Variants in UMAD1 observed in about 807,000 individuals in gnomAD.
UMAD1 encodes the protein UBAP1-MVB12-associated (UMA) domain containing 1, also known as UBAP1-MVB12-associated (UMA)-domain containing protein 1.
In UMAD1, 8 loss-of-function variants were observed where a neutral mutation model predicts 6.1. The observed-to-expected ratio is 1.30, with a 90% CI of 0.76 to 2.35. UMAD1 has a LOEUF of 2.35. UMAD1 is among the 30% of genes most tolerant of loss of function. The probability of loss-of-function intolerance (pLI) is 0.00; values close to 1 mark genes in which losing one functional copy is unlikely to be tolerated. For missense variants in UMAD1, 130 were observed against 78.4 expected, an observed-to-expected ratio of 1.66 and a Z score of -2.49; for synonymous variants, 56 against 31.4, an observed-to-expected ratio of 1.78 and a Z score of -2.61.
chr7:7,760,390 A>T (rs2115230257), intron 2 of UMAD1, among the ~76,000 whole-genome samples: 1 of 146,926 alleles, frequency 6.8e-6, no homozygotes, highest in South Asian at 2.1e-4. Context: ...CCCTGTCTCT[A>T]CTAAAAATAC....
intron 1 of UMAD1, among the ~76,000 whole-genome samples, chr7:7,658,851 T>C (rs1379292010): frequency 1.3e-5 from 2 of 152,192 alleles, no homozygotes; most frequent in East Asian, 3.8e-4. Flanking sequence ...CCTTTTTTTC[T>C]ATTGTTTGGA....
intron 3 of UMAD1, among the ~76,000 whole-genome samples, chr7:7,823,808 A>G (rs2115298786): frequency 1.3e-5 from 2 of 152,284 alleles, no homozygotes; most frequent in East Asian, 1.9e-4. Context: ...TAGGTGAAAA[A>G]TGCTTCCTTG....
At chr7:7,755,775 ACGTATG>A (rs1781765172) in intron 2 of UMAD1, among the ~76,000 whole-genome samples, 1 of 152,244 alleles carries the variant, frequency 6.6e-6, no homozygotes, top group South Asian at 2.1e-4. Flanking sequence ...CTGGCTAAGT[ACGTATG>A]TAATGTTAGC....
intron 2 of UMAD1, among the ~76,000 whole-genome samples, chr7:7,777,817 A>G (rs551816227): frequency 2.6e-5 from 4 of 152,242 alleles, no homozygotes; most frequent in African/African-American, 7.2e-5. Flanking sequence ...CCTTTTCAAT[A>G]TAGTTAAGGG....
At chr7:7,842,696 A>G (rs905356917) in intron 3 of UMAD1, among the ~76,000 whole-genome samples, 2 of 152,102 alleles carry the variant, frequency 1.3e-5, no homozygotes, top group Non-Finnish European at 2.9e-5. Context: ...AATAAAGAGT[A>G]CATCCCTTAC....
intron 1 of UMAD1, among the ~76,000 whole-genome samples, chr7:7,660,097 G>C (rs1353671100): frequency 6.6e-6 from 1 of 152,148 alleles, no homozygotes; most frequent in African/African-American, 2.4e-5. Context: ...TTTAAAGTCT[G>C]TTTTATCAGA....
At chr7:7,674,722 A>G (rs1252414255) in intron 2 of UMAD1, among the ~76,000 whole-genome samples, 2 of 152,174 alleles carry the variant, frequency 1.3e-5, no homozygotes, top group Non-Finnish European at 2.9e-5. Context: ...TTGGCTTCCA[A>G]GTCAGAACTG....
rs1006989169 is a variant in UMAD1 at position 7,877,585 on chromosome 7, A to G, written c.*47A>G. 3.6e-5 allele frequency: 25 copies of G among 698,562 alleles called. 1 individual carries two copies. Among genetic ancestry groups the G allele is most frequent in the Middle Eastern group, 4.6e-4 (2 of 4,336 alleles). 43.3% of individuals were successfully genotyped at this position (698,562 alleles called of 1,614,324 possible). A position where few individuals can be genotyped will look rare whatever the true frequency, so the allele number is the denominator to read the frequency against. Reference sequence around the variant, plus strand: ...TAACAGCTTTAAAATATGTTCGCCTATTTTATCTAACCTGTTTGATGTTCT... The same window carrying G: ...TAACAGCTTTAAAATATGTTCGCCTGTTTTATCTAACCTGTTTGATGTTCT... On this transcript the variant is annotated 3_prime_UTR_variant, in exon 4 of 4. Coordinates refer to ENST00000682710, the MANE Select transcript of UMAD1 (RefSeq NM_001302348.2).
Position 7,654,694 on chromosome 7 carries a change from G to C in UMAD1, c.-64+13873G>C, listed in dbSNP as rs374173432. Among the ~76,000 whole-genome samples the C allele has an allele frequency of 3.9e-5, 6 of 152,234 alleles. No individual in the cohort carries two copies. In the East Asian group the frequency reaches 1.2e-3, roughly 29 times the overall value. On this transcript the variant is annotated intron_variant, in intron 1 of 3. Transcript: ENST00000682710. ...AAGGTGGGCTGATCACTTGAGGCTAGGAGTTCGAGACCAGCCTGGCCAATA... is the reference window on the plus strand; with the variant it reads ...AAGGTGGGCTGATCACTTGAGGCTACGAGTTCGAGACCAGCCTGGCCAATA...
chr7:7,655,408 ATAAAT>A (rs974474013), intron 1 of UMAD1, among the ~76,000 whole-genome samples: 6 of 152,242 alleles, frequency 3.9e-5, no homozygotes, highest in African/African-American at 1.4e-4. Context: ...AAAAAATAAA[ATAAAT>A]TAAATGAAAA....
chr7:7,831,696 T>A (rs754422627), intron 3 of UMAD1, among the ~76,000 whole-genome samples: 1 of 152,216 alleles, frequency 6.6e-6, no homozygotes, highest in Non-Finnish European at 1.5e-5. Flanking sequence ...TATTTCTTCA[T>A]TGACACCGTT....
intron 3 of UMAD1, among the ~76,000 whole-genome samples, chr7:7,828,342 G>T (rs138479862): frequency 5.3e-5 from 8 of 152,340 alleles, no homozygotes; most frequent in Non-Finnish European, 1.0e-4. Flanking sequence ...TATTTGAGGA[G>T]TTGAGAAAAC....
chr7:7,853,769 C>T (rs1452021138), intron 3 of UMAD1, among the ~76,000 whole-genome samples: 1 of 152,072 alleles, frequency 6.6e-6, no homozygotes, highest in Non-Finnish European at 1.5e-5. Context: ...TTTCCTTCTT[C>T]CTTCCTAATT....
chr7:7,832,860 A>G (rs945198860), intron 3 of UMAD1, among the ~76,000 whole-genome samples: 1 of 152,182 alleles, frequency 6.6e-6, no homozygotes, highest in African/African-American at 2.4e-5. Flanking sequence ...GATTGGAAAC[A>G]TCAGGAGAAG....
At chr7:7,643,258 A>G (rs1250816068) in intron 1 of UMAD1, among the ~76,000 whole-genome samples, 5 of 152,220 alleles carry the variant, frequency 3.3e-5, no homozygotes, top group South Asian at 4.1e-4. Context: ...ATGGTAAAGT[A>G]TGATCTTCCA....
chr7:7,780,356 C>T (rs1271971384), intron 2 of UMAD1, among the ~76,000 whole-genome samples: 1 of 152,196 alleles, frequency 6.6e-6, no homozygotes, highest in African/African-American at 2.4e-5. Context: ...TTCCTTCTAG[C>T]AATTTTCCTA....
intron 2 of UMAD1, among the ~76,000 whole-genome samples, chr7:7,708,236 G>A (rs1780655591): frequency 6.6e-6 from 1 of 152,152 alleles, no homozygotes; most frequent in Admixed American, 6.6e-5. Context: ...ATAGATTCAA[G>A]TGGGAATTAA....
intron 3 of UMAD1, among the ~76,000 whole-genome samples, chr7:7,809,013 C>A (rs1782976434): frequency 6.6e-6 from 1 of 151,930 alleles, no homozygotes; most frequent in Middle Eastern, 3.4e-3. Flanking sequence ...ACTTCTGTTA[C>A]CAAAGTAACT....
intron 2 of UMAD1, among the ~76,000 whole-genome samples, chr7:7,768,944 C>G (rs73673809): frequency 1.2e-4 from 18 of 152,026 alleles, no homozygotes; most frequent in African/African-American, 4.3e-4. Flanking sequence ...TAATTAATAC[C>G]TATAGCTCTC....
Sources: allele counts gnomAD v4.1 joint callset (sites outside exome capture counted in the v4.1 genomes callset), GRCh38; gene constraint gnomAD v4.1.1; transcripts MANE v1.5; gene names NCBI Gene and HGNC (gene_info 2026-07-23, HGNC 2026-07-21).